ZMYM2: variants seen among roughly 807,000 people sequenced by gnomAD.
ZMYM2 encodes the protein zinc finger MYM-type containing 2, also known as zinc finger MYM-type protein 2.
Under a neutral mutation model 162.8 loss-of-function variants are expected in ZMYM2, and 56 were observed. The ratio of observed to expected loss-of-function variants is 0.34; its 90% confidence interval spans 0.28 to 0.43. The LOEUF (loss-of-function observed/expected upper bound fraction) is 0.43, where lower values mean the gene tolerates loss of function less well. Ranked by LOEUF, ZMYM2 falls within the 20% of genes least tolerant of loss-of-function variation. The probability of loss-of-function intolerance (pLI) is 1.00; values close to 1 mark genes in which losing one functional copy is unlikely to be tolerated. For synonymous variants in ZMYM2, 510 were observed against 541.6 expected (o/e 0.94, Z 0.81); for missense variants, 1,275 against 1,621.8 (o/e 0.79, Z 3.67).
At chr13:20,047,277 C>G (rs1253525229) in intron 12 of ZMYM2, among the ~76,000 whole-genome samples, 5 of 152,008 alleles carry the variant, frequency 3.3e-5, no homozygotes, top group Admixed American at 3.3e-4. Context: ...TTTCTTATAC[C>G]CCCCCATGCA....
chr13:19,960,009 G>A lies in ZMYM2; in HGVS notation c.-28G>A, dbSNP rs1239050733. ...TGGTGCATCCTTGGCAGAAAGTGAG[G>A]AGGAAAACACCCCCATTGTGAGTCC... is the stretch of plus-strand genomic sequence containing the variant. On this transcript the variant is annotated 5_prime_UTR_variant, in exon 2 of 25. Transcript: ENST00000610343. 3 of 152,352 alleles carry A rather than the reference G, an allele frequency of 2.0e-5. No individual in the cohort carries two copies. The highest frequency in any genetic ancestry group is 4.4e-5 in the Non-Finnish European group (3 of 68,136). 9.4% of individuals were successfully genotyped at this position (152,352 alleles called of 1,614,324 possible).
At chr13:19,915,647 G>A in the ZMYM2 span, among the ~76,000 whole-genome samples, 1 of 151,680 alleles carries the variant, frequency 6.6e-6, no homozygotes, top group African/African-American at 2.4e-5. Context: ...GGGATTATAG[G>A]TGCCCACCAC....
chr13:19,965,834 C>T (rs1208105593), intron 2 of ZMYM2, among the ~76,000 whole-genome samples: 4 of 135,488 alleles, frequency 3.0e-5, no homozygotes, highest in Non-Finnish European at 4.6e-5. Context: ...AGTGCAATGG[C>T]ATGATCTCAG....
intron 2 of ZMYM2, among the ~76,000 whole-genome samples, chr13:19,971,726 CATTTGATG>C (rs1416955409): frequency 6.6e-6 from 1 of 151,974 alleles, no homozygotes. Context: ...GTAGGAAAAG[CATTTGATG>C]ATTGCAGGCT....
intron 12 of ZMYM2, among the ~76,000 whole-genome samples, chr13:20,039,618 C>T (rs1304037880): frequency 6.6e-6 from 1 of 151,930 alleles, no homozygotes; most frequent in Non-Finnish European, 1.5e-5. Flanking sequence ...GGACTGCAGG[C>T]GCCCGCCACC....
Position 19,994,307 on chromosome 13 carries a change from G to A in ZMYM2, c.847+388G>A, listed in dbSNP as rs59245458. Among the ~76,000 whole-genome samples, 89 of 152,234 alleles carry A rather than the reference G, an allele frequency of 5.8e-4. No individual in the cohort carries two copies. The East Asian group carries it at 0.013, about 21-fold the overall frequency. On this transcript the variant is annotated intron_variant, in intron 3 of 24. Coordinates refer to ENST00000610343, the MANE Select transcript of ZMYM2 (RefSeq NM_197968.4). ...ACCAGTCTAGGCCACATAGCGAGACGCCATCTCTAAATTTAAAAAGCAAAA... is the reference window on the plus strand; with the variant it reads ...ACCAGTCTAGGCCACATAGCGAGACACCATCTCTAAATTTAAAAAGCAAAA...
rs1955987692 is a variant in ZMYM2 at position 20,058,575 on chromosome 13, G to T, written c.2494G>T (p.Gly832Cys). 8.1e-6 allele frequency: 13 copies of T among 1,611,646 alleles called. No homozygotes were observed. The highest frequency in any genetic ancestry group is 1.1e-5 in the Non-Finnish European group (13 of 1,179,098). ...GCQTSRTKMT[G>C]SAPPPSPTPN... Reference sequence around the variant, plus strand: ...AATGTTTCTCTTTGCTTCTCCATAGGGTTCAGCACCACCCCCTTCTCCAAC... The same window carrying T: ...AATGTTTCTCTTTGCTTCTCCATAGTGTTCAGCACCACCCCCTTCTCCAAC... Residue 832 changes from glycine (G) to cysteine (C), a missense_variant and splice_region_variant, in exon 15 of 25, where the codon GGT becomes TGT. Gly to Cys is a radical substitution (Grantham distance 159). Transcript: ENST00000610343.
At chr13:19,908,839 G>A in the ZMYM2 span, among the ~76,000 whole-genome samples, 1 of 152,130 alleles carries the variant, frequency 6.6e-6, no homozygotes, top group African/African-American at 2.4e-5. Context: ...AGTAACTGTG[G>A]CACTGACTAC....
At chr13:19,933,220 G>A in the ZMYM2 span, among the ~76,000 whole-genome samples, 1 of 152,120 alleles carries the variant, frequency 6.6e-6, no homozygotes, top group Non-Finnish European at 1.5e-5. Context: ...CAAAGTGCTG[G>A]GATTACAGGT....
chr13:19,901,615 C>T, the ZMYM2 span, among the ~76,000 whole-genome samples: 14 of 151,964 alleles, frequency 9.2e-5, no homozygotes, highest in Admixed American at 5.3e-4. Context: ...TCCCGAGTAG[C>T]GGGGATTACA....
chr13:19,927,869 G>C, the ZMYM2 span, among the ~76,000 whole-genome samples: 1 of 152,054 alleles, frequency 6.6e-6, no homozygotes, highest in Non-Finnish European at 1.5e-5. Flanking sequence ...ACTATAGTCT[G>C]AATTCACATT....
intron 2 of ZMYM2, among the ~76,000 whole-genome samples, chr13:19,986,215 AAAAC>A (rs1029278328): frequency 9.5e-4 from 144 of 151,474 alleles, no homozygotes; most frequent in African/African-American, 2.9e-3. Context: ...ACAAACAAAC[AAAAC>A]AAACAAACAA....
chr13:19,901,518 A>G, the ZMYM2 span, among the ~76,000 whole-genome samples: 30 of 151,176 alleles, frequency 2.0e-4, no homozygotes, highest in Non-Finnish European at 1.0e-4. Flanking sequence ...TTTTTTTGAG[A>G]TGGAGTCTGG....
chr13:19,919,581 T>C, the ZMYM2 span, among the ~76,000 whole-genome samples: 6 of 152,200 alleles, frequency 3.9e-5, no homozygotes, highest in Admixed American at 3.3e-4. Context: ...TAGTCTGCAT[T>C]ACTCTGATGG....
At chr13:19,928,048 C>T in the ZMYM2 span, among the ~76,000 whole-genome samples, 1 of 151,992 alleles carries the variant, frequency 6.6e-6, no homozygotes. Context: ...CTTTGTTGGC[C>T]AGGCTGGAGT....
intron 2 of ZMYM2, among the ~76,000 whole-genome samples, chr13:19,962,516 T>TATATATATATATATATATATATA (rs1491235309): frequency 1.3e-4 from 4 of 29,818 alleles, no homozygotes; most frequent in African/African-American, 3.7e-4. Flanking sequence ...TATATATATA[T>TATATATATATATATATATATATA]TTTTTTTTTT....
intron 12 of ZMYM2, 108 bp downstream of exon 12, chr13:20,037,017 T>A: frequency 9.4e-7 from 1 of 1,065,166 alleles, no homozygotes; most frequent in Non-Finnish European, 1.3e-6. Flanking sequence ...TGTACACACT[T>A]AAGGCCCAGC....
chr13:19,977,364 T>G (rs1956884827), intron 2 of ZMYM2, among the ~76,000 whole-genome samples: 1 of 152,178 alleles, frequency 6.6e-6, no homozygotes, highest in South Asian at 2.1e-4. Context: ...GGATCGTGTT[T>G]TAAAAAATTC....
chr13:19,883,678 G>C, the ZMYM2 span, among the ~76,000 whole-genome samples: 3 of 152,142 alleles, frequency 2.0e-5, no homozygotes, highest in Non-Finnish European at 4.4e-5. Flanking sequence ...TGCTGAAGCA[G>C]TATATTAGGC....
Sources: allele counts gnomAD v4.1 joint callset (sites outside exome capture counted in the v4.1 genomes callset), GRCh38; gene constraint gnomAD v4.1.1; transcripts MANE v1.5; gene names NCBI Gene and HGNC (gene_info 2026-07-23, HGNC 2026-07-21).